TNFSF4: variants seen among roughly 807,000 people sequenced by gnomAD.
TNFSF4 encodes the protein tumor necrosis factor ligand superfamily member 4.
TNFSF4 carries 4 observed loss-of-function variants against 7.3 expected under a neutral mutation model. The ratio of observed to expected loss-of-function variants is 0.55; its 90% CI spans 0.27 to 1.25. TNFSF4 has a LOEUF of 1.25. Ranked by LOEUF, TNFSF4 falls within the 50% of genes most tolerant of loss-of-function variation. The pLI is 0.12. For missense variants in TNFSF4, 181 were observed against 208.8 expected, an observed-to-expected ratio of 0.87 and a Z score of 0.82; for synonymous variants, 76 against 83.7, an observed-to-expected ratio of 0.91 and a Z score of 0.50.
the TNFSF4 span, among the ~76,000 whole-genome samples, chr1:173,272,236 C>T: frequency 6.6e-6 from 1 of 151,974 alleles, no homozygotes; most frequent in African/African-American, 2.4e-5. Context: ...GGAGAAATAC[C>T]TAATGTAAAT....
the TNFSF4 span, among the ~76,000 whole-genome samples, chr1:173,244,616 T>C: frequency 7.7e-6 from 1 of 130,572 alleles, no homozygotes; most frequent in East Asian, 2.2e-4. Context: ...CACTCCAGCC[T>C]GGGCGACAGA....
At chr1:173,268,265 TC>T in the TNFSF4 span, among the ~76,000 whole-genome samples, 1 of 152,220 alleles carries the variant, frequency 6.6e-6, no homozygotes, top group Admixed American at 6.5e-5. Flanking sequence ...TAATAGACCA[TC>T]TTTCACTTCA....
chr1:173,349,584 T>A, the TNFSF4 span, among the ~76,000 whole-genome samples: 46,279 of 152,080 alleles, frequency 0.3, 7,234 homozygotes, highest in East Asian at 0.35. Flanking sequence ...GTTTCACTTT[T>A]CCCATGACAG....
At chr1:173,239,088 T>C in the TNFSF4 span, among the ~76,000 whole-genome samples, 41 of 152,320 alleles carry the variant, frequency 2.7e-4, no homozygotes, top group African/African-American at 9.6e-4. Context: ...TATAATTAAA[T>C]GAAGTTTCAA....
At chr1:173,349,094 T>A in the TNFSF4 span, among the ~76,000 whole-genome samples, 4 of 152,242 alleles carry the variant, frequency 2.6e-5, no homozygotes, top group East Asian at 7.7e-4. Flanking sequence ...AGTGGTGCAA[T>A]CATGGCTCAC....
At chr1:173,214,181 T>C in the TNFSF4 span, among the ~76,000 whole-genome samples, 13 of 152,212 alleles carry the variant, frequency 8.5e-5, no homozygotes, top group Non-Finnish European at 1.8e-4. Context: ...AACCACCCTA[T>C]GAAGCGGGTA....
the TNFSF4 span, among the ~76,000 whole-genome samples, chr1:173,276,257 T>G: frequency 6.6e-6 from 1 of 152,114 alleles, no homozygotes; most frequent in African/African-American, 2.4e-5. Flanking sequence ...TTAAGCCTGT[T>G]TCTGTAATGC....
At chr1:173,416,488 T>C in the TNFSF4 span, among the ~76,000 whole-genome samples, 1 of 152,054 alleles carries the variant, frequency 6.6e-6, no homozygotes, top group Non-Finnish European at 1.5e-5. Flanking sequence ...AGTGGCAGCT[T>C]ACAGGGCCCT....
chr1:173,384,631 T>C, the TNFSF4 span, among the ~76,000 whole-genome samples: 3 of 152,112 alleles, frequency 2.0e-5, no homozygotes, highest in Admixed American at 6.5e-5. Context: ...GACAGTCTAC[T>C]AAGGATTCTG....
At chr1:173,294,188 CAGAT>C in the TNFSF4 span, among the ~76,000 whole-genome samples, 2 of 151,840 alleles carry the variant, frequency 1.3e-5, no homozygotes, top group South Asian at 2.1e-4. Context: ...TAACAGCAGA[CAGAT>C]AGAATCAACC....
the TNFSF4 span, among the ~76,000 whole-genome samples, chr1:173,420,859 T>C: frequency 6.6e-6 from 1 of 152,228 alleles, no homozygotes; most frequent in Admixed American, 6.5e-5. Context: ...TTACCTTCCC[T>C]TAATTTAGAG....
At chr1:173,191,827 G>C (rs949397486) in intron 1 of TNFSF4, among the ~76,000 whole-genome samples, 1 of 152,218 alleles carries the variant, frequency 6.6e-6, no homozygotes, top group Non-Finnish European at 1.5e-5. Flanking sequence ...ACCAAGTTTA[G>C]ATAGGATAAC....
chr1:173,447,958 T>C, the TNFSF4 span, among the ~76,000 whole-genome samples: 1 of 151,764 alleles, frequency 6.6e-6, no homozygotes, highest in Non-Finnish European at 1.5e-5. Context: ...CAAACACTAA[T>C]CGAAAGAAAA....
At chr1:173,284,580 G>C in the TNFSF4 span, among the ~76,000 whole-genome samples, 15 of 152,174 alleles carry the variant, frequency 9.9e-5, no homozygotes, top group African/African-American at 3.4e-4. Flanking sequence ...TGGCTTCAAA[G>C]CTTCCAAAGA....
At chr1:173,278,129 C>G in the TNFSF4 span, among the ~76,000 whole-genome samples, 1 of 152,022 alleles carries the variant, frequency 6.6e-6, no homozygotes, top group Non-Finnish European at 1.5e-5. Flanking sequence ...TTTTTCCCAG[C>G]CTTTTCTGAC....
At chr1:173,446,435 A>G in the TNFSF4 span, among the ~76,000 whole-genome samples, 1 of 152,228 alleles carries the variant, frequency 6.6e-6, no homozygotes, top group Non-Finnish European at 1.5e-5. Flanking sequence ...GAAGCAGCCA[A>G]GACTGTCCTT....
the TNFSF4 span, among the ~76,000 whole-genome samples, chr1:173,406,965 A>C: frequency 6.6e-6 from 1 of 152,044 alleles, no homozygotes; most frequent in Non-Finnish European, 1.5e-5. Flanking sequence ...GAGGAGGGGA[A>C]TCTAGTTGGG....
chr1:173,179,304 A>G (rs973708912), downstream of TNFSF4, among the ~76,000 whole-genome samples: 2 of 152,230 alleles, frequency 1.3e-5, no homozygotes, highest in African/African-American at 4.8e-5. Flanking sequence ...AGCAATGGGC[A>G]TGAGTTGCAC....
the TNFSF4 span, among the ~76,000 whole-genome samples, chr1:173,438,603 A>T: frequency 6.6e-6 from 1 of 152,028 alleles, no homozygotes; most frequent in African/African-American, 2.4e-5. Flanking sequence ...ATATTTTCTG[A>T]TATATAGAAT....
Sources: gnomAD v4.1 joint callset for allele counts (sites outside exome capture counted in the v4.1 genomes callset) on GRCh38, gnomAD v4.1.1 for gene constraint, MANE v1.5 for transcripts, NCBI Gene and HGNC (gene_info 2026-07-23, HGNC 2026-07-21) for gene names.